MEIS2: variants seen among roughly 807,000 people sequenced by gnomAD.
MEIS2 encodes homeobox protein Meis2.
MEIS2 carries 9 observed loss-of-function variants against 58.6 expected under a neutral mutation model. The ratio of observed to expected loss-of-function variants is 0.15; its 90% CI spans 0.09 to 0.27. The LOEUF is 0.27. Ranked by LOEUF, MEIS2 falls within the 10% of genes least tolerant of loss-of-function variation. The probability of loss-of-function intolerance (pLI) is 1.00; values close to 1 mark genes in which losing one functional copy is unlikely to be tolerated. For synonymous variants in MEIS2, 221 were observed against 228.4 expected, an observed-to-expected ratio of 0.97 and a Z score of 0.29; for missense variants, 427 against 635.0, an observed-to-expected ratio of 0.67 and a Z score of 3.52.
chr15:37,033,521 G>A (rs978551489), intron 8 of MEIS2, among the ~76,000 whole-genome samples: 4 of 152,162 alleles, frequency 2.6e-5, no homozygotes, highest in African/African-American at 9.7e-5. Context: ...CTGCACAAAA[G>A]GGAACAAACC....
intron 9 of MEIS2, among the ~76,000 whole-genome samples, chr15:36,934,985 C>T (rs75395010): frequency 0.19 from 28,484 of 151,928 alleles, 3,673 homozygotes; most frequent in East Asian, 0.46. Context: ...CATAAAGCTA[C>T]TGAACTCTTG....
intron 8 of MEIS2, among the ~76,000 whole-genome samples, chr15:37,030,724 C>A (rs1677990679): frequency 6.6e-6 from 1 of 151,942 alleles, no homozygotes; most frequent in Non-Finnish European, 1.5e-5. Context: ...GTGATCATGG[C>A]TCCATGCAGC....
chr15:36,995,715 A>AAAAC (rs2060455335), intron 8 of MEIS2, among the ~76,000 whole-genome samples: 1 of 45,022 alleles, frequency 2.2e-5, no homozygotes, highest in Admixed American at 3.3e-4. Context: ...CTAAAAAAAA[A>AAAAC]AAAAAAAAAA....
intron 8 of MEIS2, among the ~76,000 whole-genome samples, chr15:36,972,406 C>T (rs759346539): frequency 1.3e-4 from 20 of 152,068 alleles, no homozygotes; most frequent in Non-Finnish European, 2.6e-4. Context: ...GCTTCAGTGG[C>T]TTTCCATTAT....
chr15:37,013,579 A>T (rs1239034533), intron 8 of MEIS2, among the ~76,000 whole-genome samples: 1 of 148,708 alleles, frequency 6.7e-6, no homozygotes, highest in Non-Finnish European at 1.5e-5. Context: ...ACTCAAAAAA[A>T]AAAATTATAT....
At chr15:36,933,404 G>A (rs1595754064) in intron 9 of MEIS2, among the ~76,000 whole-genome samples, 1 of 152,170 alleles carries the variant, frequency 6.6e-6, no homozygotes. Flanking sequence ...CACTGAGGAA[G>A]GACATCTCCA....
chr15:37,095,032 A>T (rs1035676071), intron 4 of MEIS2: 25 of 159,210 alleles, frequency 1.6e-4, no homozygotes, highest in African/African-American at 5.5e-4. Flanking sequence ...CTCACTAAAG[A>T]AGGAAATACT....
intron 8 of MEIS2, among the ~76,000 whole-genome samples, chr15:36,975,469 G>GT (rs71126248): frequency 0.15 from 19,938 of 135,472 alleles, 1,834 homozygotes; most frequent in East Asian, 0.32. Flanking sequence ...AAAAATAAGG[G>GT]TTTTTTTTTT....
At chr15:37,017,041 T>C (rs2061373402) in intron 8 of MEIS2, among the ~76,000 whole-genome samples, 1 of 152,234 alleles carries the variant, frequency 6.6e-6, no homozygotes, top group Non-Finnish European at 1.5e-5. Flanking sequence ...AACTGCTTTT[T>C]AACAAACACA....
Position 36,892,247 on chromosome 15 carries a change from C to A in MEIS2, c.1360G>T (p.Ala454Ser). ...GAATTTAACATTGTGGGGCTCTGTGCTGACATAGTCATTCCAGGGTGGGTA... is the reference window on the plus strand; with the variant it reads ...GAATTTAACATTGTGGGGCTCTGTGATGACATAGTCATTCCAGGGTGGGTA... ...PPTHPGMTMS[A>S]QSPTMLNSVD... is the part of the protein sequence containing the mutation. The change falls in exon 12 of 12, where the codon GCA becomes TCA. Residue 454 changes from alanine to serine, a missense_variant. Ala to Ser is a moderately conservative substitution (Grantham distance 99, BLOSUM62 1). This residue lies in a region of MEIS2 where 154 missense variants were observed against 148.1 expected (regional missense o/e 1.04). Transcript: ENST00000561208. The A allele has an allele frequency of 6.2e-7, 1 of 1,614,128 alleles. No individual in the cohort carries two copies. Among genetic ancestry groups the A allele is most frequent in the South Asian group, 1.1e-5 (1 of 91,078 alleles).
chr15:36,980,064 C>T (rs1246337717), intron 8 of MEIS2, among the ~76,000 whole-genome samples: 1 of 151,808 alleles, frequency 6.6e-6, no homozygotes, highest in Non-Finnish European at 1.5e-5. Context: ...AGATGTGCCT[C>T]TATTGTATTA....
intron 8 of MEIS2, among the ~76,000 whole-genome samples, chr15:36,954,353 G>A (rs570982990): frequency 1.3e-4 from 20 of 150,770 alleles, no homozygotes; most frequent in Non-Finnish European, 2.4e-4. Context: ...GTAGGGCATC[G>A]AGTAGAAACT....
chr15:36,906,541 A>G (rs2056746528), intron 9 of MEIS2, among the ~76,000 whole-genome samples: 2 of 151,284 alleles, frequency 1.3e-5, no homozygotes, highest in Admixed American at 1.3e-4. Flanking sequence ...TTGGAAATAG[A>G]TGAGAAATTC....
intron 7 of MEIS2, among the ~76,000 whole-genome samples, chr15:37,078,300 A>C (rs1567267578): frequency 6.6e-6 from 1 of 152,052 alleles, no homozygotes; most frequent in Non-Finnish European, 1.5e-5. Flanking sequence ...GCCGGTGAGA[A>C]GTGGCAAGAA....
At chr15:36,973,708 G>A (rs866406601) in intron 8 of MEIS2, among the ~76,000 whole-genome samples, 62 of 151,680 alleles carry the variant, frequency 4.1e-4, no homozygotes, top group African/African-American at 1.4e-3. Flanking sequence ...GAGTAATGAC[G>A]TTCAAATAAG....
intron 8 of MEIS2, among the ~76,000 whole-genome samples, chr15:37,031,853 G>GTGTT (rs1162109517): frequency 1.3e-5 from 2 of 151,500 alleles, no homozygotes; most frequent in East Asian, 3.9e-4. Flanking sequence ...GTGTGTGTGT[G>GTGTT]TGTGTGTCTG....
At chr15:36,952,107 C>T (rs1195355170) in intron 8 of MEIS2, among the ~76,000 whole-genome samples, 1 of 152,130 alleles carries the variant, frequency 6.6e-6, no homozygotes, top group Non-Finnish European at 1.5e-5. Flanking sequence ...TAATTGTCCT[C>T]CAGTCTCCTT....
At chr15:37,014,525 TG>T (rs2061277335) in intron 8 of MEIS2, among the ~76,000 whole-genome samples, 1 of 152,210 alleles carries the variant, frequency 6.6e-6, no homozygotes, top group Non-Finnish European at 1.5e-5. Context: ...CTACATATGT[TG>T]TTTTGGTGTC....
At chr15:36,944,892 G>C (rs184835053) in intron 9 of MEIS2, among the ~76,000 whole-genome samples, 1 of 152,046 alleles carries the variant, frequency 6.6e-6, no homozygotes, top group African/African-American at 2.4e-5. Context: ...TTTCTCTCTT[G>C]AGATAAAAGT....
Sources: gnomAD v4.1 joint callset for allele counts (sites outside exome capture counted in the v4.1 genomes callset) on GRCh38, gnomAD v4.1.1 for gene constraint, gnomAD v4.1.1 regional missense constraint, MANE v1.5 for transcripts, NCBI Gene and HGNC (gene_info 2026-07-23, HGNC 2026-07-21) for gene names.